STIM2: variants seen among roughly 807,000 people sequenced by gnomAD.
STIM2 encodes stromal interaction molecule 2.
Under a neutral mutation model 85.8 loss-of-function variants are expected in STIM2, and 31 were observed. The observed-to-expected ratio is 0.36, with a 90% CI of 0.27 to 0.49. The LOEUF (loss-of-function observed/expected upper bound fraction) is 0.49. Ranked by LOEUF, STIM2 falls within the 20% of genes least tolerant of loss-of-function variation. The pLI, the probability that STIM2 is intolerant of heterozygous loss-of-function variation, is 0.98. For synonymous variants in STIM2, 356 were observed against 331.1 expected (o/e 1.08, Z -0.82); for missense variants, 841 against 927.6 (o/e 0.91, Z 1.21).
At chr4:26,884,442 T>A (rs918591215) in intron 1 of STIM2, among the ~76,000 whole-genome samples, 1 of 152,206 alleles carries the variant, frequency 6.6e-6, no homozygotes, top group Admixed American at 6.5e-5. Context: ...GATGCTCTGC[T>A]CGAAATGGTT....
chr4:26,892,241 G>T (rs888157914), intron 1 of STIM2, among the ~76,000 whole-genome samples: 3 of 152,188 alleles, frequency 2.0e-5, no homozygotes, highest in Non-Finnish European at 4.4e-5. Flanking sequence ...AATTACCAAA[G>T]ACTGCGTGGC....
chr4:26,911,810 TA>T (rs955370236), intron 1 of STIM2, among the ~76,000 whole-genome samples: 7 of 152,194 alleles, frequency 4.6e-5, no homozygotes, highest in Admixed American at 1.3e-4. Flanking sequence ...CATTTTTCTC[TA>T]AAAAATATGC....
Position 26,995,487 on chromosome 4 carries a change from C to G in STIM2, c.506C>G (p.Pro169Arg). 1 of 1,580,420 alleles carries G rather than the reference C, an allele frequency of 6.3e-7. No individual in the cohort carries two copies. The highest frequency in any genetic ancestry group is 8.6e-7 in the Non-Finnish European group (1 of 1,160,934). ...AACAATGTCAAAGGAACGACACTTC[C>G]CAGGTGAGTCTTTGTTATGCAAATG... is the stretch of plus-strand genomic sequence containing the variant. Residue 169 changes from proline to arginine, a missense_variant, in exon 4 of 12, where the codon CCC becomes CGC. Around this residue, in one of 3 missense-constraint regions of STIM2, gnomAD observed 408 missense variants for 525.4 expected, o/e 0.78. Coordinates refer to ENST00000467087, the MANE Select transcript of STIM2 (RefSeq NM_020860.4).
intron 3 of STIM2, among the ~76,000 whole-genome samples, chr4:26,988,729 G>C (rs1195105651): frequency 6.6e-6 from 1 of 152,146 alleles, no homozygotes; most frequent in African/African-American, 2.4e-5. Flanking sequence ...ATGATCATTT[G>C]AAATAATGTT....
intron 2 of STIM2, among the ~76,000 whole-genome samples, chr4:26,936,475 A>C (rs867292692): frequency 6.6e-6 from 1 of 152,156 alleles, no homozygotes; most frequent in Non-Finnish European, 1.5e-5. Context: ...TCTAATCTCT[A>C]TGCTTGAGTT....
At position 26,910,521 on chromosome 4, in the gene STIM2, C is replaced by CA. The variant is rs540832169; in HGVS notation, c.152-8976dup. On this transcript the variant is annotated intron_variant, in intron 1 of 11. Transcript: ENST00000467087. The stretch of plus-strand genomic sequence containing the variant: ...CCTGGGTGATGGAGTGAGACTGTCT[C>CA]AAAAAAACAAAAAAACAAAAAACAA... 1.1e-4 allele frequency among the ~76,000 whole-genome samples: 17 copies of CA among 148,434 alleles called. No homozygotes were observed. The East Asian group carries it at 1.6e-3, about 14-fold the overall frequency.
Position 27,008,599 on chromosome 4 carries a change from T to C in STIM2, c.1250+71T>C. 4.2e-6 allele frequency: 5 copies of C among 1,197,658 alleles called. No individual in the cohort carries two copies. In the East Asian group the frequency reaches 7.6e-5, roughly 18 times the overall value. 74.2% of individuals were successfully genotyped at this position (1,197,658 alleles called of 1,614,324 possible). A position where few individuals can be genotyped will look rare whatever the true frequency, so the allele number is the denominator to read the frequency against. ...TAAAATGAGTAATTTGTGAACAATT[T>C]ATATTTATCATTTATATAATTACAT... On this transcript the variant is annotated intron_variant, in intron 9 of 11. Transcript: ENST00000467087.
At chr4:26,930,435 T>C (rs186285125) in intron 2 of STIM2, among the ~76,000 whole-genome samples, 15 of 151,186 alleles carry the variant, frequency 9.9e-5, no homozygotes, top group Admixed American at 6.6e-4. Flanking sequence ...TTTTTATTTA[T>C]TCTTTTTCAT....
Position 26,957,665 on chromosome 4 carries a change from G to T in STIM2, c.336G>T (p.Leu112=). 2 of 1,596,100 alleles carry T rather than the reference G, an allele frequency of 1.3e-6. No homozygotes were observed. Among genetic ancestry groups the T allele is most frequent in the South Asian group, 2.3e-5 (2 of 87,592 alleles). The stretch of plus-strand genomic sequence containing the variant: ...ATGCTACTAATAAACACAGCCATCT[G>T]CACAGAGAAGATAAACATATAACGA... The change falls in exon 3 of 12, where the codon CTG becomes CTT. Residue 112 remains leucine (L), a synonymous_variant. Transcript: ENST00000467087.
chr4:27,006,184 G>A (rs1728325993), intron 7 of STIM2, among the ~76,000 whole-genome samples: 1 of 152,128 alleles, frequency 6.6e-6, no homozygotes, highest in Admixed American at 6.5e-5. Context: ...TTACTTTAAT[G>A]TGTCTTTTTG....
chr4:26,864,910 A>C (rs1245357558), intron 1 of STIM2, among the ~76,000 whole-genome samples: 1 of 152,194 alleles, frequency 6.6e-6, no homozygotes, highest in African/African-American at 2.4e-5. Flanking sequence ...CTGAACTTTT[A>C]ATGAAATCAG....
intron 2 of STIM2, among the ~76,000 whole-genome samples, chr4:26,941,372 T>G (rs1725605126): frequency 6.6e-6 from 1 of 152,172 alleles, no homozygotes; most frequent in African/African-American, 2.4e-5. Flanking sequence ...TTTGTTGGTT[T>G]GTAGTTTAGC....
At chr4:26,866,784 A>G (rs1722425430) in intron 1 of STIM2, among the ~76,000 whole-genome samples, 1 of 152,116 alleles carries the variant, frequency 6.6e-6, no homozygotes, top group South Asian at 2.1e-4. Flanking sequence ...TGGCATATCC[A>G]TTTTATTAGA....
At chr4:26,893,942 G>T (rs1723599316) in intron 1 of STIM2, among the ~76,000 whole-genome samples, 1 of 152,074 alleles carries the variant, frequency 6.6e-6, no homozygotes, top group Non-Finnish European at 1.5e-5. Context: ...AGGCTAGAGT[G>T]CAGTGGCGTG....
chr4:26,973,444 G>A (rs1447137186), intron 3 of STIM2, among the ~76,000 whole-genome samples: 3 of 152,002 alleles, frequency 2.0e-5, no homozygotes, highest in Non-Finnish European at 4.4e-5. Context: ...TTGTATCTTT[G>A]TTCTCATTGG....
At chr4:26,969,896 A>G (rs560712183) in intron 3 of STIM2, among the ~76,000 whole-genome samples, 25 of 152,294 alleles carry the variant, frequency 1.6e-4, no homozygotes, top group Admixed American at 3.9e-4. Context: ...ATTCCTCTGC[A>G]TAACTGATTG....
chr4:27,008,092 A>G (rs1728431398), intron 8 of STIM2: 1 of 689,018 alleles, frequency 1.5e-6, no homozygotes, highest in Non-Finnish European at 2.7e-6. Flanking sequence ...CAAAAAATTT[A>G]AAAGCTTAGT....
chr4:26,919,737 C>A, intron 2 of STIM2, 103 bp downstream of exon 2: 1 of 1,264,930 alleles, frequency 7.9e-7, no homozygotes, highest in Non-Finnish European at 1.1e-6. Flanking sequence ...TCATTGCCTT[C>A]ATCTTCAACA....
chr4:26,941,110 AC>A, intron 2 of STIM2, among the ~76,000 whole-genome samples: 1 of 152,196 alleles, frequency 6.6e-6, no homozygotes, highest in Non-Finnish European at 1.5e-5. Flanking sequence ...TGTGCTCTTT[AC>A]TTTAACCAAA....
Sources: gnomAD v4.1 joint callset for allele counts (sites outside exome capture counted in the v4.1 genomes callset) on GRCh38, gnomAD v4.1.1 for gene constraint, gnomAD v4.1.1 regional missense constraint, MANE v1.5 for transcripts, NCBI Gene and HGNC (gene_info 2026-07-23, HGNC 2026-07-21) for gene names.